Variants in COL13A1 observed in about 807,000 individuals in gnomAD.
The protein encoded by COL13A1 is collagen type XIII alpha 1 chain.
Under a neutral mutation model 130.9 loss-of-function variants are expected in COL13A1, and 89 were observed. The observed-to-expected ratio is 0.68, with a 90% CI of 0.57 to 0.81. The LOEUF (loss-of-function observed/expected upper bound fraction) is 0.81. COL13A1 is among the 30% of genes least tolerant of loss of function. COL13A1 has a pLI of 0.00. For missense variants in COL13A1, 879 were observed against 934.6 expected (o/e 0.94, Z 0.78); for synonymous variants, 402 against 341.6 (o/e 1.18, Z -1.95).
chr10:69,819,789 G>C (rs942820392), intron 1 of COL13A1, among the ~76,000 whole-genome samples: 4 of 152,126 alleles, frequency 2.6e-5, no homozygotes, highest in African/African-American at 4.8e-5. Context: ...CCAGTGGCAG[G>C]GATCCATGTT....
At chr10:69,859,477 G>T (rs543973902) in intron 2 of COL13A1, among the ~76,000 whole-genome samples, 3 of 152,342 alleles carry the variant, frequency 2.0e-5, no homozygotes, top group South Asian at 4.1e-4. Context: ...CAGTCGCCGG[G>T]CAGGGCACTG....
intron 1 of COL13A1, among the ~76,000 whole-genome samples, chr10:69,808,247 G>A (rs183396674): frequency 4.6e-5 from 7 of 152,196 alleles, no homozygotes; most frequent in East Asian, 1.9e-4. Flanking sequence ...ACAGCTTTAC[G>A]GTTTGATAAC....
In COL13A1 at chr10:69,802,133, A is replaced by G; in HGVS notation, c.-291A>G. ...ACACTTGAAGGGAAAGACTGGGCGG[A>G]GAGAAGGAGAGCCGGTCAGATTCCC... On this transcript the variant is annotated 5_prime_UTR_variant, in exon 1 of 41. Transcript: ENST00000645393. 1 of 370,962 alleles carries G rather than the reference A, an allele frequency of 2.7e-6. No individual in the cohort carries two copies. The highest frequency in any genetic ancestry group is 5.6e-5 in the South Asian group (1 of 17,928). 23.0% of individuals were successfully genotyped at this position (370,962 alleles called of 1,614,324 possible). A position where few individuals can be genotyped will look rare whatever the true frequency, so the allele number is the denominator to read the frequency against.
intron 7 of COL13A1, among the ~76,000 whole-genome samples, chr10:69,881,400 C>T (rs987920629): frequency 2.6e-5 from 4 of 152,128 alleles, no homozygotes; most frequent in Non-Finnish European, 5.9e-5. Flanking sequence ...CTTTTCCTGA[C>T]CCGCCGTGCT....
intron 2 of COL13A1, among the ~76,000 whole-genome samples, chr10:69,850,759 C>T (rs969597850): frequency 1.3e-5 from 2 of 151,906 alleles, no homozygotes; most frequent in Non-Finnish European, 2.9e-5. Flanking sequence ...ACAGACCGGG[C>T]AAAGGAAGAT....
In COL13A1 at chr10:69,878,035, C is replaced by G. The variant is rs1231077859; in HGVS notation, c.436-4C>G. ...GCACCCTGTGTTGCATGTGGCTGCCCCAGGGAGTAAAGGGCCAACCAGGCG... is the reference window on the plus strand; with the variant it reads ...GCACCCTGTGTTGCATGTGGCTGCCGCAGGGAGTAAAGGGCCAACCAGGCG... On this transcript the variant is annotated splice_region_variant and splice_polypyrimidine_tract_variant and intron_variant, in intron 5 of 40. Coordinates refer to ENST00000645393, the MANE Select transcript of COL13A1 (RefSeq NM_001368882.1). 1.4e-6 allele frequency: 1 copy of G among 702,942 alleles called. No individual in the cohort carries two copies. Among genetic ancestry groups the G allele is most frequent in the Non-Finnish European group, 2.6e-6 (1 of 384,994 alleles). 43.5% of individuals were successfully genotyped at this position (702,942 alleles called of 1,614,324 possible).
At chr10:69,904,680 G>A (rs1036200026) in intron 15 of COL13A1, among the ~76,000 whole-genome samples, 4 of 152,188 alleles carry the variant, frequency 2.6e-5, no homozygotes, top group Non-Finnish European at 5.9e-5. Flanking sequence ...TTCCATGGGT[G>A]AGCACAGCAG....
Position 69,952,744 on chromosome 10 carries a change from T to C in COL13A1, c.2059-138T>C, listed in dbSNP as rs1416765216. 4 of 618,500 alleles carry C rather than the reference T, an allele frequency of 6.5e-6. No individual in the cohort carries two copies. The East Asian group carries it at 1.1e-4, about 17-fold the overall frequency. The allele number at this position is 618,500 out of a possible 1,614,324, so 38.3% of individuals were successfully genotyped here. On this transcript the variant is annotated intron_variant, in intron 38 of 40. Coordinates refer to ENST00000645393, the MANE Select transcript of COL13A1 (RefSeq NM_001368882.1). ...GGAGGTGGGTATTGACTCCAAATCCTACTGGGGAGAATATCCTAATTTAAA... is the reference window on the plus strand; with the variant it reads ...GGAGGTGGGTATTGACTCCAAATCCCACTGGGGAGAATATCCTAATTTAAA...
At chr10:69,921,466 T>G (rs2064660394) in intron 21 of COL13A1, among the ~76,000 whole-genome samples, 1 of 152,206 alleles carries the variant, frequency 6.6e-6, no homozygotes, top group Non-Finnish European at 1.5e-5. Flanking sequence ...GAGCCCTTAG[T>G]TGCTAAGCAT....
chr10:69,936,620 C>G (rs1425076137), intron 32 of COL13A1, 136 bp from the exon 33 acceptor site: 5 of 908,384 alleles, frequency 5.5e-6, no homozygotes, highest in Non-Finnish European at 8.4e-6. Flanking sequence ...GCATTTCTTT[C>G]TACCTCTCAT....
intron 10 of COL13A1, among the ~76,000 whole-genome samples, chr10:69,891,103 AC>A (rs1295552316): frequency 3.9e-5 from 6 of 152,206 alleles, no homozygotes; most frequent in African/African-American, 1.4e-4. Context: ...AGGGATACAG[AC>A]GGGAGCAAGA....
chr10:69,884,429 G>C (rs1454576153), intron 7 of COL13A1, among the ~76,000 whole-genome samples: 1 of 152,298 alleles, frequency 6.6e-6, no homozygotes, highest in Non-Finnish European at 1.5e-5. Context: ...GCTGCCCCTG[G>C]GCAGAGACAC....
At chr10:69,939,922 G>A (rs542733508) in intron 34 of COL13A1, among the ~76,000 whole-genome samples, 109 of 152,284 alleles carry the variant, frequency 7.2e-4, no homozygotes, top group African/African-American at 2.3e-3. Flanking sequence ...GCAGCAGCTC[G>A]TTGCCTCCTT....
rs367981217 is a variant in COL13A1 at position 69,819,011 on chromosome 10, T to C, written c.295-3358T>C. On this transcript the variant is annotated intron_variant, in intron 1 of 40. Transcript: ENST00000645393. ...TGAAGTCTACAGTCACCTGCACACA[T>C]CTGAGTATGCTTCTCCCACACCAAG... Among the ~76,000 whole-genome samples the C allele has an allele frequency of 4.6e-5, 7 of 152,228 alleles. 1 individual carries two copies. The highest frequency in any genetic ancestry group is 3.8e-4 in the East Asian group (2 of 5,204).
chr10:69,865,490 T>C (rs1013196859), intron 2 of COL13A1, among the ~76,000 whole-genome samples: 6 of 152,166 alleles, frequency 3.9e-5, no homozygotes, highest in Non-Finnish European at 1.5e-5. Context: ...CCTGAAGATT[T>C]TCCAGTGGGT....
chr10:69,874,023 C>T (rs894250184), intron 4 of COL13A1, among the ~76,000 whole-genome samples: 2 of 152,228 alleles, frequency 1.3e-5, no homozygotes, highest in Non-Finnish European at 2.9e-5. Flanking sequence ...CACCCCCACT[C>T]CACAGAACTG....
Position 69,944,171 on chromosome 10 carries a change from G to A in COL13A1, c.1961G>A (p.Gly654Asp). 1.2e-6 allele frequency: 2 copies of A among 1,613,694 alleles called. No individual in the cohort carries two copies. The highest frequency in any genetic ancestry group is 8.5e-7 in the Non-Finnish European group (1 of 1,179,752). ...IGVPGPAGPK[G>D]ERGSKGDPGM... ...GTTCCAGGCCCAGCGGGACCAAAGGGCGAGAGGGTGAGTGTCACTGAGCCA... is the reference window on the plus strand; with the variant it reads ...GTTCCAGGCCCAGCGGGACCAAAGGACGAGAGGGTGAGTGTCACTGAGCCA... The change falls in exon 36 of 41, where the codon GGC becomes GAC. Residue 654 changes from glycine to aspartate, a missense_variant. Gly to Asp is a moderately conservative substitution (Grantham distance 94). Coordinates refer to ENST00000645393, the MANE Select transcript of COL13A1 (RefSeq NM_001368882.1).
chr10:69,846,123 T>G (rs899640806), intron 2 of COL13A1, among the ~76,000 whole-genome samples: 4 of 152,188 alleles, frequency 2.6e-5, no homozygotes, highest in Non-Finnish European at 5.9e-5. Flanking sequence ...TATGAAGGCT[T>G]TTGTGAGTAG....
At chr10:69,837,862 A>G (rs61849201) in intron 2 of COL13A1, among the ~76,000 whole-genome samples, 4,111 of 152,264 alleles carry the variant, frequency 0.027, 86 homozygotes, top group Middle Eastern at 0.051. Flanking sequence ...CCAATTTCTG[A>G]TGTTCATTTT....
Sources: allele counts gnomAD v4.1 joint callset (sites outside exome capture counted in the v4.1 genomes callset), GRCh38; gene constraint gnomAD v4.1.1; transcripts MANE v1.5; gene names NCBI Gene and HGNC (gene_info 2026-07-23, HGNC 2026-07-21).